The following CSMD1 variants were observed in gnomAD, a reference collection of about 807,000 sequenced individuals.
CSMD1 encodes the protein CUB and Sushi multiple domains 1.
A neutral mutation model predicts 417.5 loss-of-function variants in CSMD1; 213 were observed. The ratio of observed to expected loss-of-function variants is 0.51; its 90% CI spans 0.46 to 0.57. CSMD1 has a LOEUF of 0.57. Ranked by LOEUF, CSMD1 falls within the 20% of genes least tolerant of loss-of-function variation. The pLI is 0.00. For missense variants in CSMD1, 6,923 were observed against 4,529.7 expected (o/e 1.53, Z -15.17); for synonymous variants, 2,862 against 1,736.8 (o/e 1.65, Z -16.11).
At chr8:3,978,222 G>C (rs867486462) in intron 5 of CSMD1, among the ~76,000 whole-genome samples, 3 of 152,150 alleles carry the variant, frequency 2.0e-5, no homozygotes, top group Admixed American at 6.5e-5. Flanking sequence ...TGTGTGCTAG[G>C]ATTCCCAGCG....
intron 10 of CSMD1, among the ~76,000 whole-genome samples, chr8:3,509,577 G>C (rs970240527): frequency 2.0e-5 from 3 of 152,044 alleles, no homozygotes; most frequent in African/African-American, 7.2e-5. Context: ...TTCTATAACT[G>C]TTTCTATGTT....
intron 10 of CSMD1, among the ~76,000 whole-genome samples, chr8:3,518,847 C>A (rs977651401): frequency 6.6e-6 from 1 of 152,102 alleles, no homozygotes; most frequent in Non-Finnish European, 1.5e-5. Flanking sequence ...TTATTCACAT[C>A]GCCAGTCATA....
intron 1 of CSMD1, among the ~76,000 whole-genome samples, chr8:4,695,287 A>G (rs1321348282): frequency 2.6e-5 from 4 of 152,190 alleles, no homozygotes; most frequent in Non-Finnish European, 5.9e-5. Flanking sequence ...GACCCTGTAC[A>G]GCCTTTATAG....
chr8:4,450,709 T>G (rs984806057), intron 2 of CSMD1, among the ~76,000 whole-genome samples: 1 of 152,156 alleles, frequency 6.6e-6, no homozygotes, highest in Non-Finnish European at 1.5e-5. Flanking sequence ...TCACAGAGTT[T>G]TAATAAATGT....
chr8:3,711,046 C>T (rs564101397), intron 6 of CSMD1, among the ~76,000 whole-genome samples: 2 of 152,154 alleles, frequency 1.3e-5, no homozygotes, highest in South Asian at 2.1e-4. Flanking sequence ...TATGTCTAAA[C>T]TGCCAAGTCT....
chr8:3,472,719 A>C (rs1193366329), intron 11 of CSMD1, among the ~76,000 whole-genome samples: 1 of 152,116 alleles, frequency 6.6e-6, no homozygotes, highest in Non-Finnish European at 1.5e-5. Flanking sequence ...TCTCAAGCCC[A>C]TTCCCAGCCC....
chr8:4,070,525 T>C (rs759107432), intron 3 of CSMD1, among the ~76,000 whole-genome samples: 13 of 151,976 alleles, frequency 8.6e-5, no homozygotes, highest in African/African-American at 1.5e-4. Flanking sequence ...GGCCGGCTAT[T>C]TTTTTGTATT....
chr8:4,319,818 C>T (rs1411718416), intron 3 of CSMD1, among the ~76,000 whole-genome samples: 1 of 152,052 alleles, frequency 6.6e-6, no homozygotes, highest in East Asian at 1.9e-4. Flanking sequence ...GTGTAGAGGA[C>T]CCTCGGGGTC....
intron 23 of CSMD1, among the ~76,000 whole-genome samples, chr8:3,342,891 A>ATCTGTGTG (rs1807751867): frequency 1.4e-5 from 1 of 72,202 alleles, no homozygotes; most frequent in Admixed American, 1.6e-4. Context: ...GTATAAATAT[A>ATCTGTGTG]TGTGTGTATG....
intron 17 of CSMD1, among the ~76,000 whole-genome samples, chr8:3,394,401 T>G (rs1248964535): frequency 6.6e-6 from 1 of 151,814 alleles, no homozygotes; most frequent in Non-Finnish European, 1.5e-5. Context: ...GACATTTATT[T>G]AAATGACTTG....
chr8:3,988,327 A>G (rs1814490064), intron 5 of CSMD1, among the ~76,000 whole-genome samples: 1 of 152,212 alleles, frequency 6.6e-6, no homozygotes, highest in African/African-American at 2.4e-5. Context: ...GCTTGCATCA[A>G]ATTCTGAAAT....
At chr8:4,419,433 A>G (rs1437078976) in intron 3 of CSMD1, among the ~76,000 whole-genome samples, 1 of 152,178 alleles carries the variant, frequency 6.6e-6, no homozygotes, top group Non-Finnish European at 1.5e-5. Flanking sequence ...CCTCAAAGGT[A>G]TCTAGGCACA....
rs1294364594 is a variant in CSMD1, at chr8:3,359,311, C to T, written c.3145G>A (p.Gly1049Arg). ...ATTCTTCGGCTGAAGGCAGGGACTC[C>T]AGGATCATCACATGGCTCCAGGTCA... ...EYDLEPCDDPGVPAFSRRIGF... is the reference protein window; with the variant it reads ...EYDLEPCDDPRVPAFSRRIGF... The change falls in exon 21 of 70, where the codon GGA (glycine) becomes AGA (arginine). Residue 1049 changes from glycine to arginine, a missense_variant. Coordinates refer to ENST00000635120, the MANE Select transcript of CSMD1 (RefSeq NM_033225.6). 6.2e-7 allele frequency: 1 copy of T among 1,613,368 alleles called. No homozygotes were observed. Among genetic ancestry groups the T allele is most frequent in the Non-Finnish European group, 8.5e-7 (1 of 1,179,814 alleles).
chr8:3,775,738 G>C (rs905192289), intron 5 of CSMD1, among the ~76,000 whole-genome samples: 1 of 152,180 alleles, frequency 6.6e-6, no homozygotes, highest in Non-Finnish European at 1.5e-5. Context: ...CAAATGATAT[G>C]AACTATAAAC....
intron 5 of CSMD1, among the ~76,000 whole-genome samples, chr8:3,802,878 A>T (rs191802712): frequency 2.0e-5 from 3 of 152,306 alleles, no homozygotes; most frequent in Admixed American, 1.3e-4. Context: ...TGTGGTCTTT[A>T]AAAAGAATAG....
chr8:4,062,542 C>T (rs148236991), intron 3 of CSMD1, among the ~76,000 whole-genome samples: 1 of 152,124 alleles, frequency 6.6e-6, no homozygotes, highest in Non-Finnish European at 1.5e-5. Flanking sequence ...GTGGCATTGA[C>T]ATGAACAACA....
chr8:3,403,671 G>A (rs749699132), intron 15 of CSMD1, among the ~76,000 whole-genome samples: 2 of 152,304 alleles, frequency 1.3e-5, no homozygotes, highest in Non-Finnish European at 2.9e-5. Context: ...AGAGATGAGA[G>A]TGTAGTGTTC....
intron 3 of CSMD1, among the ~76,000 whole-genome samples, chr8:4,258,566 G>A (rs1234238253): frequency 2.0e-5 from 3 of 151,650 alleles, no homozygotes; most frequent in Non-Finnish European, 4.4e-5. Context: ...AGGGAGGGAG[G>A]GAAGAATGGA....
intron 2 of CSMD1, among the ~76,000 whole-genome samples, chr8:4,430,849 G>A (rs1425528287): frequency 1.3e-5 from 2 of 152,170 alleles, no homozygotes; most frequent in Admixed American, 6.5e-5. Flanking sequence ...CTCCAGTGTT[G>A]TCCCCTCCAC....
Sources: allele counts gnomAD v4.1 joint callset (sites outside exome capture counted in the v4.1 genomes callset), GRCh38; gene constraint gnomAD v4.1.1; transcripts MANE v1.5; gene names NCBI Gene and HGNC (gene_info 2026-07-23, HGNC 2026-07-21).